ARHGAP15: variants seen among roughly 807,000 people sequenced by gnomAD.
The protein encoded by ARHGAP15 is Rho GTPase activating protein 15.
Under a neutral mutation model 63.7 loss-of-function variants are expected in ARHGAP15, and 51 were observed. The ratio of observed to expected loss-of-function variants is 0.80; its 90% confidence interval spans 0.64 to 1.01. The LOEUF is 1.01. ARHGAP15 is among the 50% of genes least tolerant of loss of function. The pLI, the probability that ARHGAP15 is intolerant of heterozygous loss-of-function variation, is 0.00. For missense variants in ARHGAP15, 560 were observed against 564.6 expected, an observed-to-expected ratio of 0.99 and a Z score of 0.08; for synonymous variants, 191 against 193.8, an observed-to-expected ratio of 0.99 and a Z score of 0.12.
chr2:143,627,004 A>T (rs1022772617), intron 12 of ARHGAP15, among the ~76,000 whole-genome samples: 1 of 152,200 alleles, frequency 6.6e-6, no homozygotes, highest in African/African-American at 2.4e-5. Context: ...GAAGCCCAAG[A>T]GAAACCTGTA....
At chr2:143,158,223 G>T (rs559200577) in intron 2 of ARHGAP15, among the ~76,000 whole-genome samples, 1 of 151,710 alleles carries the variant, frequency 6.6e-6, no homozygotes, top group Non-Finnish European at 1.5e-5. Context: ...AATTCCTCTC[G>T]TAAATTTTGT....
At chr2:143,317,016 A>G (rs1369610025) in intron 6 of ARHGAP15, among the ~76,000 whole-genome samples, 1 of 152,098 alleles carries the variant, frequency 6.6e-6, no homozygotes, top group African/African-American at 2.4e-5. Flanking sequence ...TGATTATTGC[A>G]TTTAAACTAA....
intron 10 of ARHGAP15, among the ~76,000 whole-genome samples, chr2:143,527,263 A>T (rs1002743965): frequency 2.0e-5 from 3 of 152,026 alleles, no homozygotes; most frequent in Non-Finnish European, 2.9e-5. Context: ...AACATGACAT[A>T]TTTTTTTGTA....
intron 8 of ARHGAP15, among the ~76,000 whole-genome samples, chr2:143,470,150 C>CT (rs1204755981): frequency 5.9e-4 from 2 of 3,380 alleles, no homozygotes; most frequent in African/African-American, 7.3e-4. Flanking sequence ...TATAAGTATC[C>CT]TTAAAAAAAA....
intron 6 of ARHGAP15, among the ~76,000 whole-genome samples, chr2:143,424,517 G>A (rs183541612): frequency 4.6e-5 from 7 of 152,092 alleles, no homozygotes; most frequent in African/African-American, 1.2e-4. Context: ...CACAGAGAGG[G>A]CATAGGGACA....
intron 6 of ARHGAP15, among the ~76,000 whole-genome samples, chr2:143,260,266 G>T (rs908513373): frequency 6.6e-6 from 1 of 152,118 alleles, no homozygotes; most frequent in African/African-American, 2.4e-5. Context: ...AAGCATCAGT[G>T]TATTAACTCA....
chr2:143,655,704 A>G (rs893843598), intron 12 of ARHGAP15, among the ~76,000 whole-genome samples: 3 of 152,294 alleles, frequency 2.0e-5, no homozygotes, highest in East Asian at 1.9e-4. Flanking sequence ...AAAAATTACC[A>G]TGCAGTTTGG....
At chr2:143,178,974 C>T (rs1691118196) in intron 2 of ARHGAP15, among the ~76,000 whole-genome samples, 1 of 152,138 alleles carries the variant, frequency 6.6e-6, no homozygotes, top group African/African-American at 2.4e-5. Context: ...CACTAAAATC[C>T]TAGAGGTAAA....
intron 2 of ARHGAP15, among the ~76,000 whole-genome samples, chr2:143,158,965 G>T (rs1257704879): frequency 6.6e-6 from 1 of 151,904 alleles, no homozygotes; most frequent in Non-Finnish European, 1.5e-5. Flanking sequence ...ATATTAATGA[G>T]GAGTTTAAAT....
rs758392786 is a variant in ARHGAP15 at position 143,272,924 on chromosome 2, AT to A, written c.474+22333del. ...TTTAAATTTAACTCTATATGATGGA[AT>A]TTTTTTTTATTTTTGGCATTGTCAT... On this transcript the variant is annotated intron_variant, in intron 6 of 13. Coordinates refer to ENST00000295095, the MANE Select transcript of ARHGAP15 (RefSeq NM_018460.4). Among the ~76,000 whole-genome samples, 518 of 151,728 alleles carry A rather than the reference AT, an allele frequency of 3.4e-3. 3 individuals carry two copies. The highest frequency in any genetic ancestry group is 0.012 in the African/African-American group (491 of 41,412).
chr2:143,329,800 A>C (rs945132232), intron 6 of ARHGAP15, among the ~76,000 whole-genome samples: 1 of 151,906 alleles, frequency 6.6e-6, no homozygotes, highest in Non-Finnish European at 1.5e-5. Flanking sequence ...GTAGTTCAGC[A>C]GTAGCATCAC....
chr2:143,439,230 C>T (rs910309755), intron 8 of ARHGAP15, among the ~76,000 whole-genome samples: 3 of 145,334 alleles, frequency 2.1e-5, no homozygotes, highest in African/African-American at 7.6e-5. Context: ...CAAGACCATC[C>T]TGGCCAACAT....
intron 12 of ARHGAP15, 72 bp downstream of exon 12, chr2:143,624,339 A>G: frequency 6.9e-7 from 1 of 1,445,652 alleles, no homozygotes; most frequent in Non-Finnish European, 9.3e-7. Flanking sequence ...AAATAATAAG[A>G]ATGATTATAA....
intron 6 of ARHGAP15, among the ~76,000 whole-genome samples, chr2:143,330,804 C>T (rs1417423149): frequency 6.6e-6 from 1 of 152,054 alleles, no homozygotes; most frequent in African/African-American, 2.4e-5. Context: ...TGTCAATGTC[C>T]CCAGATCAAT....
chr2:143,367,620 C>A (rs1686351311), intron 6 of ARHGAP15, among the ~76,000 whole-genome samples: 1 of 151,858 alleles, frequency 6.6e-6, no homozygotes, highest in Non-Finnish European at 1.5e-5. Flanking sequence ...TGCATCTTTT[C>A]TTTATATATT....
At chr2:143,646,330 T>G (rs1680877763) in intron 12 of ARHGAP15, among the ~76,000 whole-genome samples, 1 of 152,064 alleles carries the variant, frequency 6.6e-6, no homozygotes, top group Non-Finnish European at 1.5e-5. Flanking sequence ...TGAGACCTGT[T>G]GCATATGCTA....
chr2:143,749,041 CA>C (rs1338332916), intron 13 of ARHGAP15, among the ~76,000 whole-genome samples: 1 of 152,054 alleles, frequency 6.6e-6, no homozygotes, highest in Non-Finnish European at 1.5e-5. Flanking sequence ...GTACTCAACT[CA>C]GGTCAATTCA....
intron 2 of ARHGAP15, among the ~76,000 whole-genome samples, chr2:143,197,266 T>A (rs1691916548): frequency 6.6e-6 from 1 of 151,974 alleles, no homozygotes; most frequent in African/African-American, 2.4e-5. Flanking sequence ...ATGTGAAATG[T>A]TTTCTGGGTA....
intron 6 of ARHGAP15, among the ~76,000 whole-genome samples, chr2:143,300,660 A>G (rs1239640923): frequency 6.6e-6 from 1 of 151,982 alleles, no homozygotes; most frequent in Non-Finnish European, 1.5e-5. Flanking sequence ...TTCTGTCCAA[A>G]GAGAGAACAT....
Sources: gnomAD v4.1 joint callset for allele counts (sites outside exome capture counted in the v4.1 genomes callset) on GRCh38, gnomAD v4.1.1 for gene constraint, MANE v1.5 for transcripts, NCBI Gene and HGNC (gene_info 2026-07-23, HGNC 2026-07-21) for gene names.